Variants in CDYL observed in about 807,000 individuals in gnomAD.
The protein encoded by CDYL is chromodomain Y-like protein.
Under a neutral mutation model 47.3 loss-of-function variants are expected in CDYL, and 8 were observed. The ratio of observed to expected loss-of-function variants is 0.17; its 90% CI spans 0.10 to 0.31. CDYL has a LOEUF of 0.31. Among genes scored for constraint, CDYL ranks in the 10% least tolerant of loss-of-function variants. The pLI, the probability that CDYL is intolerant of heterozygous loss-of-function variation, is 1.00. For missense variants in CDYL, 471 were observed against 701.4 expected, an observed-to-expected ratio of 0.67 and a Z score of 3.71; for synonymous variants, 266 against 265.0, an observed-to-expected ratio of 1.00 and a Z score of -0.04.
At chr6:4,767,737 G>A (rs1758277708) in intron 3 of CDYL, among the ~76,000 whole-genome samples, 1 of 152,076 alleles carries the variant, frequency 6.6e-6, no homozygotes, top group African/African-American at 2.4e-5. Flanking sequence ...ATCAAGACCT[G>A]GTATCCACTT....
intron 1 of CDYL, among the ~76,000 whole-genome samples, chr6:4,853,505 C>T (rs1561670984): frequency 6.6e-6 from 1 of 152,082 alleles, no homozygotes; most frequent in Non-Finnish European, 1.5e-5. Flanking sequence ...CCTTCTCATT[C>T]CCCTCCTCCT....
chr6:4,725,048 A>T (rs897002872), intron 2 of CDYL, among the ~76,000 whole-genome samples: 1 of 152,160 alleles, frequency 6.6e-6, no homozygotes. Context: ...TGAGCTGGAC[A>T]CAAAAGTTCT....
chr6:4,718,310 T>C (rs889111971), intron 2 of CDYL, among the ~76,000 whole-genome samples: 8 of 152,158 alleles, frequency 5.3e-5, no homozygotes, highest in Non-Finnish European at 8.8e-5. Context: ...GTTTGGTTGT[T>C]TTTTGTTGCC....
At chr6:4,885,837 CAGTTG>C (rs1366380565) in intron 1 of CDYL, among the ~76,000 whole-genome samples, 1 of 152,156 alleles carries the variant, frequency 6.6e-6, no homozygotes, top group African/African-American at 2.4e-5. Flanking sequence ...TCCGTCACCA[CAGTTG>C]AGTTTTGTAC....
At chr6:4,728,604 G>C (rs1757553949) in intron 2 of CDYL, among the ~76,000 whole-genome samples, 1 of 152,182 alleles carries the variant, frequency 6.6e-6, no homozygotes, top group Non-Finnish European at 1.5e-5. Context: ...CTGCACACCT[G>C]ATGAGGAATC....
At chr6:4,881,621 T>C (rs943331125) in intron 1 of CDYL, among the ~76,000 whole-genome samples, 5 of 152,368 alleles carry the variant, frequency 3.3e-5, no homozygotes, top group Admixed American at 2.0e-4. Context: ...GCTATTGTTA[T>C]ATATTTTCTG....
intron 3 of CDYL, among the ~76,000 whole-genome samples, chr6:4,740,562 C>T (rs976682024): frequency 6.6e-6 from 1 of 152,174 alleles, no homozygotes; most frequent in Non-Finnish European, 1.5e-5. Context: ...TGCATTGAAT[C>T]TAATATACTA....
At chr6:4,814,753 C>A (rs1395624772) in intron 1 of CDYL, among the ~76,000 whole-genome samples, 1 of 152,160 alleles carries the variant, frequency 6.6e-6, no homozygotes. Context: ...GAACTCCTTG[C>A]CTCAAATGAT....
At chr6:4,824,268 T>C (rs1759919509) in intron 1 of CDYL, among the ~76,000 whole-genome samples, 1 of 152,210 alleles carries the variant, frequency 6.6e-6, no homozygotes, top group Non-Finnish European at 1.5e-5. Flanking sequence ...GTGGGTTGCA[T>C]GGTGGATCAT....
intron 2 of CDYL, among the ~76,000 whole-genome samples, chr6:4,905,713 T>C (rs112506092): frequency 2.0e-5 from 3 of 152,280 alleles, no homozygotes; most frequent in Admixed American, 6.5e-5. Flanking sequence ...ACGCCTCTTA[T>C]GTCAAGTCTT....
intron 3 of CDYL, among the ~76,000 whole-genome samples, chr6:4,765,452 TA>T (rs1453400424): frequency 1.3e-5 from 2 of 152,036 alleles, no homozygotes; most frequent in African/African-American, 4.8e-5. Context: ...AACTAAATAA[TA>T]ATAAAAATAC....
At chr6:4,834,779 A>AT (rs989230185) in intron 1 of CDYL, among the ~76,000 whole-genome samples, 17 of 149,830 alleles carry the variant, frequency 1.1e-4, no homozygotes, top group South Asian at 8.5e-4. Context: ...ATTTCTTTTT[A>AT]TTTTTTTTTC....
chr6:4,835,090 C>G (rs1273403556), intron 1 of CDYL, among the ~76,000 whole-genome samples: 1 of 152,162 alleles, frequency 6.6e-6, no homozygotes, highest in Non-Finnish European at 1.5e-5. Context: ...CATTCTCCGT[C>G]CAGCTTTGTT....
chr6:4,723,848 A>C (rs541250503), intron 2 of CDYL, among the ~76,000 whole-genome samples: 1 of 152,242 alleles, frequency 6.6e-6, no homozygotes, highest in Non-Finnish European at 1.5e-5. Flanking sequence ...CTAGTGCCAA[A>C]AACTGAGTGT....
chr6:4,910,060 C>T (rs1337032393), intron 2 of CDYL, among the ~76,000 whole-genome samples: 5 of 148,926 alleles, frequency 3.4e-5, no homozygotes. Context: ...TCTGGTTGAC[C>T]TCTTATCCTT....
chr6:4,917,468 A>C (rs957876664), intron 2 of CDYL, among the ~76,000 whole-genome samples: 7 of 152,200 alleles, frequency 4.6e-5, no homozygotes, highest in African/African-American at 1.7e-4. Flanking sequence ...GGAGGTCTAT[A>C]ATGTATACTA....
At chr6:4,753,336 G>A (rs1352201457) in intron 3 of CDYL, among the ~76,000 whole-genome samples, 1 of 152,136 alleles carries the variant, frequency 6.6e-6, no homozygotes, top group African/African-American at 2.4e-5. Flanking sequence ...AACTGTATGA[G>A]GTAGCTTTCC....
chr6:4,829,378 T>G (rs1389392496), intron 1 of CDYL, among the ~76,000 whole-genome samples: 2 of 152,190 alleles, frequency 1.3e-5, no homozygotes, highest in East Asian at 3.8e-4. Context: ...GGCAGAGATT[T>G]CTTTGGAAGC....
intron 6 of CDYL, 77 bp downstream of exon 6, chr6:4,952,486 A>T (rs1487131906): frequency 6.7e-7 from 1 of 1,495,854 alleles, no homozygotes; most frequent in African/African-American, 1.4e-5. Context: ...ACAAATTTGC[A>T]ATTATTCCTA....
Sources: allele counts gnomAD v4.1 joint callset (sites outside exome capture counted in the v4.1 genomes callset), GRCh38; gene constraint gnomAD v4.1.1; transcripts MANE v1.5; gene names NCBI Gene and HGNC (gene_info 2026-07-23, HGNC 2026-07-21).